Variants in RBFOX3 observed in about 807,000 individuals in gnomAD.
The protein encoded by RBFOX3 is RNA binding protein fox-1 homolog 3.
Under a neutral mutation model 48.7 loss-of-function variants are expected in RBFOX3, and 17 were observed. The observed-to-expected ratio is 0.35, with a 90% confidence interval of 0.24 to 0.52. The LOEUF (loss-of-function observed/expected upper bound fraction) is 0.52, where lower values mean the gene tolerates loss of function less well. Among genes scored for constraint, RBFOX3 ranks in the 20% least tolerant of loss-of-function variants. The pLI, the probability that RBFOX3 is intolerant of heterozygous loss-of-function variation, is 0.94. For missense variants in RBFOX3, 382 were observed against 497.5 expected (o/e 0.77, Z 2.21); for synonymous variants, 212 against 209.5 (o/e 1.01, Z -0.10).
chr17:79,154,838 C>T (rs1228700811), intron 4 of RBFOX3, among the ~76,000 whole-genome samples: 1 of 152,234 alleles, frequency 6.6e-6, no homozygotes, highest in African/African-American at 2.4e-5. Flanking sequence ...TGAGCAAGTG[C>T]GAACCCTCCC....
chr17:79,645,961 CA>C, the RBFOX3 span, among the ~76,000 whole-genome samples: 1 of 152,176 alleles, frequency 6.6e-6, no homozygotes, highest in Non-Finnish European at 1.5e-5. Flanking sequence ...GCACCTCCCG[CA>C]AAAACTGTTT....
At chr17:79,240,477 T>C (rs1395809742) in intron 3 of RBFOX3, among the ~76,000 whole-genome samples, 1 of 152,208 alleles carries the variant, frequency 6.6e-6, no homozygotes, top group African/African-American at 2.4e-5. Flanking sequence ...AGCTCTTTGA[T>C]AAAGTCAATT....
chr17:79,139,139 G>C (rs187222605), intron 4 of RBFOX3, among the ~76,000 whole-genome samples: 1 of 151,820 alleles, frequency 6.6e-6, no homozygotes, highest in African/African-American at 2.4e-5. Context: ...ATGCGTTCAC[G>C]GTCCTGCCTT....
At chr17:79,118,751 T>A (rs547905615) in intron 4 of RBFOX3, among the ~76,000 whole-genome samples, 12 of 151,424 alleles carry the variant, frequency 7.9e-5, no homozygotes, top group Non-Finnish European at 1.3e-4. Flanking sequence ...GGTGGGAGGA[T>A]TGCTTGAGCC....
At chr17:79,279,908 G>A (rs1235829039) in intron 3 of RBFOX3, among the ~76,000 whole-genome samples, 1 of 152,192 alleles carries the variant, frequency 6.6e-6, no homozygotes, top group Admixed American at 6.5e-5. Flanking sequence ...AGGCACCAGA[G>A]AGGTGAGGCA....
At chr17:79,492,341 G>A (rs970179269) in intron 1 of RBFOX3, among the ~76,000 whole-genome samples, 1 of 152,322 alleles carries the variant, frequency 6.6e-6, no homozygotes, top group African/African-American at 2.4e-5. Flanking sequence ...GCACTGGTCT[G>A]TGTGACCAAT....
At chr17:79,422,054 G>C (rs2066492875) in intron 2 of RBFOX3, among the ~76,000 whole-genome samples, 1 of 152,152 alleles carries the variant, frequency 6.6e-6, no homozygotes, top group South Asian at 2.1e-4. Flanking sequence ...GGGGCAGAGA[G>C]GGGAGAAGAG....
At position 79,369,340 on chromosome 17, in the gene RBFOX3, C is replaced by A. The variant is rs962259004; in HGVS notation, c.-174-61516G>T. ...TCTGCCCCCACTCCCCGGGGAGGGG[C>A]TGATGGGGGCTCACCAGAGGGGTTG... On this transcript the variant is annotated intron_variant, in intron 2 of 14. Coordinates refer to ENST00000693108, the MANE Select transcript of RBFOX3 (RefSeq NM_001350451.2). Among the ~76,000 whole-genome samples, 21 of 152,312 alleles carry A rather than the reference C, an allele frequency of 1.4e-4. 1 individual carries two copies. Among genetic ancestry groups the A allele is most frequent in the African/African-American group, 5.1e-4 (21 of 41,582 alleles).
chr17:79,149,730 G>C (rs563128209), intron 4 of RBFOX3, among the ~76,000 whole-genome samples: 2 of 151,556 alleles, frequency 1.3e-5, no homozygotes, highest in South Asian at 2.1e-4. Context: ...CTGGGATGTC[G>C]AGTGGGGTCA....
At chr17:79,194,230 G>C (rs963074146) in intron 4 of RBFOX3, among the ~76,000 whole-genome samples, 9 of 152,210 alleles carry the variant, frequency 5.9e-5, no homozygotes, top group African/African-American at 2.2e-4. Flanking sequence ...TAGGGCCTTA[G>C]TGGCTGAGAG....
At chr17:79,355,102 C>A (rs2084716756) in intron 2 of RBFOX3, among the ~76,000 whole-genome samples, 1 of 152,214 alleles carries the variant, frequency 6.6e-6, no homozygotes, top group East Asian at 1.9e-4. Flanking sequence ...ACTTTCTCAC[C>A]TACTTCCAAG....
chr17:79,290,486 C>A (rs1047533104), intron 3 of RBFOX3, among the ~76,000 whole-genome samples: 1 of 152,030 alleles, frequency 6.6e-6, no homozygotes, highest in Non-Finnish European at 1.5e-5. Context: ...CTATGTGTGG[C>A]TCTTCGCCTC....
intron 2 of RBFOX3, among the ~76,000 whole-genome samples, chr17:79,442,267 G>GGA: frequency 3.8e-5 from 1 of 26,040 alleles, no homozygotes; most frequent in African/African-American, 1.7e-4. Context: ...GAGAGAGAGA[G>GGA]AGAGAGAGAG....
intron 8 of RBFOX3, among the ~76,000 whole-genome samples, chr17:79,101,937 C>T (rs1421192632): frequency 1.3e-5 from 2 of 152,236 alleles, no homozygotes; most frequent in Non-Finnish European, 1.5e-5. Context: ...GCTGGAGCAG[C>T]TCCCTGGTGG....
At position 79,480,930 on chromosome 17, in the gene RBFOX3, C is replaced by T. The variant is rs1435763337; in HGVS notation, c.-175+1524G>A. On this transcript the variant is annotated intron_variant, in intron 2 of 14. Transcript: ENST00000693108. The surrounding 1 kb of genome is among the most constrained non-coding windows in gnomAD (Gnocchi z 4.8). ...CTTGACCTTGTCTCCACTGCGTCTC[C>T]AGCACCCCAAACAGGGCTCAGCACA... is the stretch of plus-strand genomic sequence containing the variant. Among the ~76,000 whole-genome samples, 1 of 152,220 alleles carries T rather than the reference C, an allele frequency of 6.6e-6. No individual in the cohort carries two copies. Among genetic ancestry groups the T allele is most frequent in the African/African-American group, 2.4e-5 (1 of 41,458 alleles).
chr17:79,193,787 GTTC>G (rs1275729346), intron 4 of RBFOX3, among the ~76,000 whole-genome samples: 3 of 152,202 alleles, frequency 2.0e-5, no homozygotes, highest in Non-Finnish European at 4.4e-5. Context: ...AGTAGGCCAA[GTTC>G]TTCTCTACAG....
intron 1 of RBFOX3, among the ~76,000 whole-genome samples, chr17:79,576,584 GATC>G (rs2092869464): frequency 6.6e-6 from 1 of 151,930 alleles, no homozygotes; most frequent in Non-Finnish European, 1.5e-5. Flanking sequence ...AGAAGGTGGA[GATC>G]ATGAAGAAGA....
Position 79,282,196 on chromosome 17 carries a change from G to C in RBFOX3, c.-74+25528C>G, listed in dbSNP as rs531895979. 2.6e-5 allele frequency among the ~76,000 whole-genome samples: 4 copies of C among 152,302 alleles called. No individual in the cohort carries two copies. The South Asian group carries it at 8.3e-4, about 32-fold the overall frequency. On this transcript the variant is annotated intron_variant, in intron 3 of 14. Transcript: ENST00000693108. Reference sequence around the variant, plus strand: ...GGGCATGGGGAGCTATGGGTGGGGAGGTGGTGGAAGGAGACTTTCCCACAA... The same window carrying C: ...GGGCATGGGGAGCTATGGGTGGGGACGTGGTGGAAGGAGACTTTCCCACAA...
At chr17:79,645,433 C>A in the RBFOX3 span, among the ~76,000 whole-genome samples, 1 of 152,260 alleles carries the variant, frequency 6.6e-6, no homozygotes, top group South Asian at 2.1e-4. Flanking sequence ...CTGGAATAAT[C>A]CTCCTCAGAT....
Sources: gnomAD v4.1 joint callset for allele counts (sites outside exome capture counted in the v4.1 genomes callset) on GRCh38, gnomAD v4.1.1 for gene constraint, Gnocchi (gnomAD v3.1) non-coding constraint, MANE v1.5 for transcripts, NCBI Gene and HGNC (gene_info 2026-07-23, HGNC 2026-07-21) for gene names.